Variants in SLF1 observed in about 807,000 individuals in gnomAD.
SLF1 encodes SMC5-SMC6 complex localization factor protein 1.
In SLF1, 105 loss-of-function variants were observed where a neutral mutation model predicts 123.0. The observed-to-expected ratio is 0.85, with a 90% CI of 0.73 to 1.00. The LOEUF is 1.00. Ranked by LOEUF, SLF1 falls within the 50% of genes least tolerant of loss-of-function variation. SLF1 has a pLI of 0.00. For missense variants in SLF1, 1,239 were observed against 1,223.0 expected (o/e 1.01, Z -0.20); for synonymous variants, 434 against 406.6 (o/e 1.07, Z -0.81).
At chr5:94,687,889 T>C (rs939677921) in intron 16 of SLF1, among the ~76,000 whole-genome samples, 7 of 151,872 alleles carry the variant, frequency 4.6e-5, no homozygotes, top group African/African-American at 1.7e-4. Flanking sequence ...AAGCAAAATA[T>C]TATGCATATA....
At chr5:94,632,172 A>G (rs1280032038) in intron 4 of SLF1, among the ~76,000 whole-genome samples, 3 of 151,900 alleles carry the variant, frequency 2.0e-5, no homozygotes, top group East Asian at 3.9e-4. Context: ...CTCTGAAGTT[A>G]TTTTGGCACT....
chr5:94,621,382 A>G (rs1383708962), intron 1 of SLF1, among the ~76,000 whole-genome samples: 1 of 152,198 alleles, frequency 6.6e-6, no homozygotes, highest in African/African-American at 2.4e-5. Flanking sequence ...AGAAAAATAA[A>G]TAGCACTTAT....
intron 6 of SLF1, among the ~76,000 whole-genome samples, chr5:94,651,178 G>A (rs1175209415): frequency 6.6e-6 from 1 of 152,116 alleles, no homozygotes; most frequent in African/African-American, 2.4e-5. Context: ...TGTAACTTAG[G>A]AGCGATAGAC....
At chr5:94,647,376 G>C (rs1365979694) in intron 5 of SLF1, among the ~76,000 whole-genome samples, 4 of 152,182 alleles carry the variant, frequency 2.6e-5, no homozygotes, top group Non-Finnish European at 5.9e-5. Context: ...TTGTGTGACA[G>C]ACGCTTTGGC....
chr5:94,691,240 C>G (rs991600806), intron 18 of SLF1: 1 of 239,852 alleles, frequency 4.2e-6, no homozygotes, highest in Admixed American at 5.7e-5. Flanking sequence ...TTGGTGTTCT[C>G]TGATCATTTG....
At chr5:94,648,002 A>G (rs1304453381) in intron 5 of SLF1, among the ~76,000 whole-genome samples, 1 of 152,150 alleles carries the variant, frequency 6.6e-6, no homozygotes, top group Non-Finnish European at 1.5e-5. Flanking sequence ...TGATAGTGGT[A>G]TGTTCCCTGC....
chr5:94,653,325 A>G lies in SLF1; in HGVS notation c.936A>G (p.Arg312=). ...TTCAGAGGAGTTATACTTTGAGGAG[A>G]AAACGCAAGAAAGGAAAAGAAAGCA... is the stretch of plus-strand genomic sequence containing the variant. ...EDIQRSYTLR[R]KRKKGKESNC... The change falls in exon 8 of 21, where the codon AGA becomes AGG. Residue 312 remains arginine, a synonymous_variant. Transcript: ENST00000265140. The G allele has an allele frequency of 2.0e-6, 3 of 1,527,256 alleles. No homozygotes were observed. The highest frequency in any genetic ancestry group is 2.6e-6 in the Non-Finnish European group (3 of 1,140,264). The allele number at this position is 1,527,256 out of a possible 1,614,324, so 94.6% of individuals were successfully genotyped here. A position where few individuals can be genotyped will look rare whatever the true frequency, so the allele number is the denominator to read the frequency against.
At chr5:94,694,180 T>TC (rs1450274493) in intron 20 of SLF1, among the ~76,000 whole-genome samples, 1 of 151,950 alleles carries the variant, frequency 6.6e-6, no homozygotes, top group Non-Finnish European at 1.5e-5. Flanking sequence ...CTCCACATCA[T>TC]CCTTTAGTAC....
At chr5:94,675,223 A>C (rs1328863027) in intron 14 of SLF1, among the ~76,000 whole-genome samples, 1 of 152,252 alleles carries the variant, frequency 6.6e-6, no homozygotes, top group African/African-American at 2.4e-5. Context: ...ATAAACTAGA[A>C]GTTATCTCTA....
Position 94,695,053 on chromosome 5 carries a change from CTTCAGAGTTCAT to C in SLF1, c.2921_2932del (p.Ser974_Ile977del). On this transcript the variant is annotated inframe_deletion, in exon 21 of 21. Coordinates refer to ENST00000265140, the MANE Select transcript of SLF1 (RefSeq NM_032290.4). Reference sequence around the variant, plus strand: ...AATTTTTGTTCAATTTTTGATTTATCTTCAGAGTTCATTTTAGCTTCCAAAGGGTTAACTCAT... The same window carrying C: ...AATTTTTGTTCAATTTTTGATTTATCTTTAGCTTCCAAAGGGTTAACTCAT... The C allele has an allele frequency of 6.2e-7, 1 of 1,612,392 alleles. No individual in the cohort carries two copies. Among genetic ancestry groups the C allele is most frequent in the Non-Finnish European group, 8.5e-7 (1 of 1,179,088 alleles).
At chr5:94,645,946 AT>A (rs1746985776) in intron 5 of SLF1, among the ~76,000 whole-genome samples, 1 of 152,186 alleles carries the variant, frequency 6.6e-6, no homozygotes, top group Non-Finnish European at 1.5e-5. Flanking sequence ...AAAAGCTGCC[AT>A]GTAAAATGAC....
At chr5:94,674,300 T>C (rs1276238450) in intron 14 of SLF1, among the ~76,000 whole-genome samples, 1 of 152,180 alleles carries the variant, frequency 6.6e-6, no homozygotes, top group East Asian at 1.9e-4. Context: ...CTGATGTAAA[T>C]AGTAACAGAT....
At chr5:94,638,472 C>T (rs1403813636) in intron 4 of SLF1, among the ~76,000 whole-genome samples, 1 of 152,162 alleles carries the variant, frequency 6.6e-6, no homozygotes, top group East Asian at 1.9e-4. Flanking sequence ...GCCACCACGC[C>T]TGGCCTCCTT....
intron 10 of SLF1, 37 bp from the exon 11 acceptor site, chr5:94,663,709 ATCTT>A (rs1749404876): frequency 1.1e-5 from 16 of 1,407,650 alleles, no homozygotes; most frequent in Non-Finnish European, 9.4e-6. Flanking sequence ...GCAAAATTTT[ATCTT>A]TCTTTTCTCT....
At chr5:94,660,389 C>T (rs1748944025) in intron 9 of SLF1, among the ~76,000 whole-genome samples, 1 of 152,160 alleles carries the variant, frequency 6.6e-6, no homozygotes. Flanking sequence ...GTTATCAGGC[C>T]TCTTGATGGT....
chr5:94,692,311 T>C, intron 20 of SLF1, 55 bp downstream of exon 20: 2 of 1,535,964 alleles, frequency 1.3e-6, no homozygotes, highest in Admixed American at 1.7e-5. Flanking sequence ...TTTTGATGAA[T>C]CCTGCAGAGG....
rs1374647517 is a variant in SLF1, at chr5:94,643,322, AGTGG to A, written c.482_485del (p.Ser161LysfsTer2). On this transcript the variant is annotated frameshift_variant, in exon 5 of 21. Transcript: ENST00000265140. LOFTEE classifies it high-confidence loss of function. The stretch of plus-strand genomic sequence containing the variant: ...TGTTATTTTACCAAAAAGTTCACCA[AGTGG>A]AATAACTCATGTGATTGCCAGTAAT... The A allele has an allele frequency of 2.0e-5, 31 of 1,543,666 alleles. No individual in the cohort carries two copies. Among genetic ancestry groups the A allele is most frequent in the Non-Finnish European group, 2.6e-5 (30 of 1,144,074 alleles).
intron 4 of SLF1, among the ~76,000 whole-genome samples, chr5:94,637,033 AG>A (rs1480360570): frequency 6.6e-6 from 1 of 152,080 alleles, no homozygotes; most frequent in Non-Finnish European, 1.5e-5. Context: ...ACTTCTTTAA[AG>A]GGATTATTCT....
intron 12 of SLF1, among the ~76,000 whole-genome samples, chr5:94,666,424 G>T (rs1749764721): frequency 6.6e-6 from 1 of 151,912 alleles, no homozygotes; most frequent in Admixed American, 6.6e-5. Context: ...ATTTTTTTCA[G>T]CTAGAAATTT....
Sources: gnomAD v4.1 joint callset for allele counts (sites outside exome capture counted in the v4.1 genomes callset) on GRCh38, gnomAD v4.1.1 for gene constraint, MANE v1.5 for transcripts, NCBI Gene and HGNC (gene_info 2026-07-23, HGNC 2026-07-21) for gene names.